RUBCN: variants seen among roughly 807,000 people sequenced by gnomAD.
RUBCN encodes the protein rubicon autophagy regulator.
Under a neutral mutation model 113.2 loss-of-function variants are expected in RUBCN, and 74 were observed. The observed-to-expected ratio is 0.65, with a 90% CI of 0.54 to 0.79. The LOEUF (loss-of-function observed/expected upper bound fraction) is 0.79. Ranked by LOEUF, RUBCN falls within the 30% of genes least tolerant of loss-of-function variation. The pLI, the probability that RUBCN is intolerant of heterozygous loss-of-function variation, is 0.00. For missense variants in RUBCN, 1,109 were observed against 1,251.7 expected, an observed-to-expected ratio of 0.89 and a Z score of 1.72; for synonymous variants, 480 against 490.0, an observed-to-expected ratio of 0.98 and a Z score of 0.27.
chr3:197,711,643 G>A (rs535415262), intron 2 of RUBCN, among the ~76,000 whole-genome samples: 30 of 151,760 alleles, frequency 2.0e-4, no homozygotes, highest in Non-Finnish European at 4.3e-4. Flanking sequence ...GACCAGCCTG[G>A]GCAACATAGT....
intron 1 of RUBCN, chr3:197,749,221 T>G: frequency 1.0e-6 from 1 of 993,950 alleles, no homozygotes; most frequent in Non-Finnish European, 1.2e-6. Context: ...CCATTCCCAA[T>G]GCAAATGAAT....
Position 197,683,581 on chromosome 3 carries a change from C to T in RUBCN, c.1848-142G>A. 1.1e-6 allele frequency: 1 copy of T among 903,580 alleles called. No individual in the cohort carries two copies. The highest frequency in any genetic ancestry group is 1.8e-6 in the Non-Finnish European group (1 of 565,794). 56.0% of individuals were successfully genotyped at this position (903,580 alleles called of 1,614,324 possible). A position where few individuals can be genotyped will look rare whatever the true frequency, so the allele number is the denominator to read the frequency against. Reference sequence around the variant, plus strand: ...CACCCTGGCCTGCTCATCACCCTCACACATGGGACAGTCAAAGTCCACTAG... The same window carrying T: ...CACCCTGGCCTGCTCATCACCCTCATACATGGGACAGTCAAAGTCCACTAG... On this transcript the variant is annotated intron_variant, in intron 12 of 19. Coordinates refer to ENST00000296343, the MANE Select transcript of RUBCN (RefSeq NM_014687.4). The surrounding 1 kb of genome is among the most constrained non-coding windows in gnomAD (Gnocchi z 4.6).
At chr3:197,729,719 G>A (rs1305315144) in intron 1 of RUBCN, among the ~76,000 whole-genome samples, 2 of 152,004 alleles carry the variant, frequency 1.3e-5, no homozygotes, top group African/African-American at 4.8e-5. Flanking sequence ...AACCACATCT[G>A]GCTAATTTTT....
chr3:197,741,476 C>T (rs540388744), upstream of RUBCN, among the ~76,000 whole-genome samples: 1 of 152,268 alleles, frequency 6.6e-6, no homozygotes, highest in Admixed American at 6.5e-5. Flanking sequence ...AGCTTTTATT[C>T]TGTCTTTATA....
chr3:197,676,661 G>C (rs1720468944), intron 18 of RUBCN: 2 of 1,413,740 alleles, frequency 1.4e-6, no homozygotes, highest in East Asian at 2.7e-5. Flanking sequence ...AGCTACCCAG[G>C]ACCACAGCCA....
intron 11 of RUBCN, among the ~76,000 whole-genome samples, chr3:197,685,201 G>C (rs542972662): frequency 6.6e-6 from 1 of 152,330 alleles, no homozygotes; most frequent in African/African-American, 2.4e-5. Flanking sequence ...CTTTTGATGG[G>C]GGGGATGTGA....
Position 197,670,304 on chromosome 3 carries a change from A to G in RUBCN, c.*4714T>C, listed in dbSNP as rs1353554005. ...AAACATCTTTAAACAATATTCTGTG[A>G]TTCTTTGTACTCTCAGCTCTGGCAT... On this transcript the variant is annotated 3_prime_UTR_variant, in exon 20 of 20. Coordinates refer to ENST00000296343, the MANE Select transcript of RUBCN (RefSeq NM_014687.4). 6.6e-6 allele frequency among the ~76,000 whole-genome samples: 1 copy of G among 152,180 alleles called. No individual in the cohort carries two copies. The highest frequency in any genetic ancestry group is 1.5e-5 in the Non-Finnish European group (1 of 68,030).
At chr3:197,687,902 C>A (rs1046008888) in intron 11 of RUBCN, among the ~76,000 whole-genome samples, 1 of 152,200 alleles carries the variant, frequency 6.6e-6, no homozygotes, top group Admixed American at 6.5e-5. Context: ...ACCCCACCAT[C>A]CAGCAAGCCA....
intron 1 of RUBCN, among the ~76,000 whole-genome samples, chr3:197,734,596 C>T (rs534101983): frequency 7.9e-5 from 12 of 152,182 alleles, no homozygotes; most frequent in African/African-American, 1.9e-4. Flanking sequence ...AAGAAGTTAA[C>T]GCAGTATTCA....
intron 2 of RUBCN, among the ~76,000 whole-genome samples, chr3:197,706,433 A>T (rs1175547547): frequency 6.6e-6 from 1 of 152,196 alleles, no homozygotes; most frequent in Admixed American, 6.6e-5. Context: ...CTGTAATCTC[A>T]GCACTTTGGG....
intron 11 of RUBCN, among the ~76,000 whole-genome samples, chr3:197,684,720 A>ATG (rs57255392): frequency 6.7e-6 from 1 of 149,842 alleles, no homozygotes; most frequent in African/African-American, 2.5e-5. Flanking sequence ...ACACACATAT[A>ATG]TGTGTGTGTA....
chr3:197,737,098 C>G (rs1186915025), upstream of RUBCN: 2 of 335,648 alleles, frequency 6.0e-6, no homozygotes, highest in South Asian at 9.2e-5. Context: ...AGGCCGCGCT[C>G]GTGGATTACT....
At chr3:197,729,643 C>T (rs1045991929) in intron 1 of RUBCN, among the ~76,000 whole-genome samples, 2 of 152,176 alleles carry the variant, frequency 1.3e-5, no homozygotes, top group Non-Finnish European at 2.9e-5. Context: ...ACTGCAACCT[C>T]CGCCTACCAG....
At chr3:197,726,437 G>A (rs1726763435) in intron 1 of RUBCN, among the ~76,000 whole-genome samples, 1 of 151,704 alleles carries the variant, frequency 6.6e-6, no homozygotes, top group South Asian at 2.1e-4. Flanking sequence ...TAGTAGAGAC[G>A]GGGTTTCACT....
rs1047953956 is a variant in RUBCN, at chr3:197,674,197, G to C, written c.*821C>G. 1 of 152,838 alleles carries C rather than the reference G, an allele frequency of 6.5e-6. No homozygotes were observed. The highest frequency in any genetic ancestry group is 1.5e-5 in the Non-Finnish European group (1 of 68,432). The allele number at this position is 152,838 out of a possible 1,614,324, so 9.5% of individuals were successfully genotyped here. On this transcript the variant is annotated 3_prime_UTR_variant, in exon 20 of 20. Transcript: ENST00000296343. ...CTAAGAGACCTTAACACCAAGAGGG[G>C]GCCGACCGCTCCTCTGAGTAAGCGC...
At chr3:197,706,936 G>A (rs1029133575) in intron 2 of RUBCN, among the ~76,000 whole-genome samples, 7 of 152,204 alleles carry the variant, frequency 4.6e-5, no homozygotes, top group Non-Finnish European at 8.8e-5. Context: ...GTGGTAGTGC[G>A]GCAGGGACTC....
At chr3:197,713,280 G>A (rs977460919) in intron 2 of RUBCN, among the ~76,000 whole-genome samples, 3 of 152,216 alleles carry the variant, frequency 2.0e-5, no homozygotes, top group Non-Finnish European at 4.4e-5. Context: ...CACAGATAGT[G>A]AAACTGTCTT....
Position 197,705,190 on chromosome 3 carries a change from C to T in RUBCN, c.220-15G>A, listed in dbSNP as rs1178639027. On this transcript the variant is annotated splice_polypyrimidine_tract_variant and intron_variant, in intron 2 of 19. Coordinates refer to ENST00000296343, the MANE Select transcript of RUBCN (RefSeq NM_014687.4). ...CGGCGGCACGCCTGCAAAGGGAACA[C>T]ATACAATGAGCAAATCACGACCATT... 1.2e-6 allele frequency: 2 copies of T among 1,611,760 alleles called. No homozygotes were observed. The highest frequency in any genetic ancestry group is 1.7e-6 in the Non-Finnish European group (2 of 1,177,944).
At position 197,694,600 on chromosome 3, in the gene RUBCN, G is replaced by C; in HGVS notation, c.1474-15C>G. 6.2e-7 allele frequency: 1 copy of C among 1,602,700 alleles called. No individual in the cohort carries two copies. The highest frequency in any genetic ancestry group is 8.5e-7 in the Non-Finnish European group (1 of 1,169,634). On this transcript the variant is annotated splice_polypyrimidine_tract_variant and intron_variant, in intron 9 of 19. Coordinates refer to ENST00000296343, the MANE Select transcript of RUBCN (RefSeq NM_014687.4). ...TGGGCATTCTCCTGGCGGAAGGAGA[G>C]CACCAAACAGGCAAAGGGTTAGAAG...
Sources: gnomAD v4.1 joint callset for allele counts (sites outside exome capture counted in the v4.1 genomes callset) on GRCh38, gnomAD v4.1.1 for gene constraint, Gnocchi (gnomAD v3.1) non-coding constraint, MANE v1.5 for transcripts, NCBI Gene and HGNC (gene_info 2026-07-23, HGNC 2026-07-21) for gene names.